THSD4: variants seen among roughly 807,000 people sequenced by gnomAD.
THSD4 encodes the protein thrombospondin type 1 domain containing 4.
In THSD4, 69 loss-of-function variants were observed where a neutral mutation model predicts 119.0. The ratio of observed to expected loss-of-function variants is 0.58; its 90% CI spans 0.48 to 0.71. The LOEUF (loss-of-function observed/expected upper bound fraction) is 0.71. THSD4 is among the 30% of genes least tolerant of loss of function. The pLI, the probability that THSD4 is intolerant of heterozygous loss-of-function variation, is 0.00. For missense variants in THSD4, 1,393 were observed against 1,391.1 expected (o/e 1.00, Z -0.02); for synonymous variants, 524 against 540.4 (o/e 0.97, Z 0.42).
chr15:71,400,032 A>C (rs2046506034), intron 6 of THSD4, among the ~76,000 whole-genome samples: 1 of 152,140 alleles, frequency 6.6e-6, no homozygotes, highest in Non-Finnish European at 1.5e-5. Context: ...ACAAAATAAA[A>C]ATTTAAAAAG....
chr15:71,761,144 C>T (rs1043827170), intron 15 of THSD4, among the ~76,000 whole-genome samples: 3 of 152,062 alleles, frequency 2.0e-5, no homozygotes, highest in South Asian at 2.1e-4. Flanking sequence ...TGCTTCTTTC[C>T]TCTTTCCTTT....
intron 8 of THSD4, among the ~76,000 whole-genome samples, chr15:71,699,957 TA>T (rs1353844901): frequency 3.3e-5 from 5 of 152,020 alleles, no homozygotes; most frequent in African/African-American, 9.7e-5. Flanking sequence ...TGAATAGAAG[TA>T]AAATTCCTTA....
At chr15:71,264,448 G>A (rs1452892905) in intron 6 of THSD4, among the ~76,000 whole-genome samples, 1 of 152,192 alleles carries the variant, frequency 6.6e-6, no homozygotes, top group African/African-American at 2.4e-5. Flanking sequence ...GTTTGCTTTG[G>A]GGATGAGCAT....
chr15:71,548,913 C>T (rs745501905), intron 7 of THSD4, among the ~76,000 whole-genome samples: 1 of 152,196 alleles, frequency 6.6e-6, no homozygotes, highest in African/African-American at 2.4e-5. Flanking sequence ...CACAGTGCTC[C>T]AGCAGCCCCT....
At chr15:71,213,775 G>T (rs771544256) in intron 3 of THSD4, among the ~76,000 whole-genome samples, 1 of 152,128 alleles carries the variant, frequency 6.6e-6, no homozygotes, top group East Asian at 1.9e-4. Flanking sequence ...AGTCACCATG[G>T]CAGCAGGGAC....
chr15:71,329,175 T>C (rs943019754), intron 6 of THSD4, among the ~76,000 whole-genome samples: 2 of 152,150 alleles, frequency 1.3e-5, no homozygotes, highest in African/African-American at 4.8e-5. Context: ...AAAAATCAGT[T>C]AGGAGCTAAG....
chr15:71,306,194 T>G (rs931029342), intron 6 of THSD4, among the ~76,000 whole-genome samples: 2 of 150,810 alleles, frequency 1.3e-5, no homozygotes, highest in African/African-American at 4.9e-5. Context: ...TAATCCCAGC[T>G]ACTCGGGAGG....
At chr15:71,727,246 C>T (rs963686074) in intron 8 of THSD4, among the ~76,000 whole-genome samples, 3 of 151,988 alleles carry the variant, frequency 2.0e-5, no homozygotes, top group East Asian at 1.9e-4. Flanking sequence ...TGACAGTGCA[C>T]GTGCGGTATC....
chr15:71,411,592 T>C (rs1483900650), intron 6 of THSD4, 95 bp from the exon 7 acceptor site: 1 of 1,377,892 alleles, frequency 7.3e-7, no homozygotes, highest in East Asian at 2.5e-5. Flanking sequence ...TTTTTCTCAA[T>C]AAAAATTATA....
intron 7 of THSD4, among the ~76,000 whole-genome samples, chr15:71,653,374 G>A (rs1875412): frequency 0.37 from 55,684 of 152,046 alleles, 11,198 homozygotes; most frequent in East Asian, 0.9. Context: ...TGTGCTCCTC[G>A]GTGTCCCATG....
At chr15:71,327,108 G>A (rs956760169) in intron 6 of THSD4, among the ~76,000 whole-genome samples, 2 of 150,494 alleles carry the variant, frequency 1.3e-5, no homozygotes, top group African/African-American at 4.9e-5. Flanking sequence ...CAGTGGTTGT[G>A]GTGAGCCGAG....
At position 71,160,987 on chromosome 15, in the gene THSD4, T is replaced by G. The variant is rs1221978278; in HGVS notation, c.99+6055T>G. The stretch of plus-strand genomic sequence containing the variant: ...CTTGCTTGTCTCAAGGAAATTAAAA[T>G]TTCCCTTTTAATTTCTTCATCAACC... On this transcript the variant is annotated intron_variant, in intron 3 of 17. Coordinates refer to ENST00000261862, the MANE Select transcript of THSD4 (RefSeq NM_024817.3). 1.4e-4 allele frequency among the ~76,000 whole-genome samples: 21 copies of G among 152,168 alleles called. 1 individual carries two copies. In the South Asian group the frequency reaches 1.9e-3, roughly 14 times the overall value.
intron 7 of THSD4, among the ~76,000 whole-genome samples, chr15:71,588,305 CAAAA>C (rs66537207): frequency 1.5e-3 from 167 of 108,696 alleles, no homozygotes; most frequent in Admixed American, 3.5e-3. Flanking sequence ...GACTCCGTCT[CAAAA>C]AAAAAAAAAA....
intron 7 of THSD4, among the ~76,000 whole-genome samples, chr15:71,440,625 G>T (rs912046118): frequency 2.0e-5 from 3 of 152,162 alleles, no homozygotes; most frequent in Admixed American, 2.0e-4. Flanking sequence ...CGTGAGACTT[G>T]TAATACTGCT....
intron 3 of THSD4, among the ~76,000 whole-genome samples, chr15:71,199,444 TGTGTGTGTGGGGGGGGGTGTGTGTGTGTG>T (rs2043748262): frequency 6.8e-6 from 1 of 147,294 alleles, no homozygotes; most frequent in Non-Finnish European, 1.5e-5. Flanking sequence ...GATAACTGTG[TGTGTGTGTGGGGGGGGGTGTGTGTGTGTG>T]GTGTGTGTGT....
At chr15:71,304,351 C>G (rs1018601149) in intron 6 of THSD4, among the ~76,000 whole-genome samples, 1 of 151,862 alleles carries the variant, frequency 6.6e-6, no homozygotes, top group African/African-American at 2.4e-5. Flanking sequence ...AGTGCCATGA[C>G]ACTGTTCAAA....
intron 7 of THSD4, among the ~76,000 whole-genome samples, chr15:71,527,730 T>TTTTG (rs760970136): frequency 2.1e-5 from 3 of 145,074 alleles, no homozygotes; most frequent in South Asian, 2.2e-4. Flanking sequence ...TTTTTTTTTT[T>TTTTG]GAGACAGGGT....
chr15:71,631,867 A>T (rs546110830), intron 7 of THSD4, among the ~76,000 whole-genome samples: 1 of 152,304 alleles, frequency 6.6e-6, no homozygotes, highest in African/African-American at 2.4e-5. Context: ...TCAGGGAACT[A>T]TCATTCCGTC....
Position 71,242,774 on chromosome 15 carries a change from G to A in THSD4, c.590G>A (p.Arg197His), listed in dbSNP as rs755973890. ...CTCCGGAGACAGAAGCTCTCATCCC[G>A]CCATTCCAGGTCCCAGGGAGCATCT... ...QRLRRQKLSS[R>H]HSRSQGASSA... The change falls in exon 5 of 18, where the codon CGC (arginine) becomes CAC (histidine). Residue 197 changes from arginine to histidine, a missense_variant. Arg to His is a conservative substitution (Grantham distance 29, BLOSUM62 0). Transcript: ENST00000261862. The A allele has an allele frequency of 8.7e-6, 14 of 1,614,112 alleles. No homozygotes were observed. The highest frequency in any genetic ancestry group is 6.6e-5 in the South Asian group (6 of 91,076).
Sources: allele counts gnomAD v4.1 joint callset (sites outside exome capture counted in the v4.1 genomes callset), GRCh38; gene constraint gnomAD v4.1.1; transcripts MANE v1.5; gene names NCBI Gene and HGNC (gene_info 2026-07-23, HGNC 2026-07-21).